The following CROT variants were observed in gnomAD, a reference collection of about 807,000 sequenced individuals.
CROT encodes the protein carnitine O-octanoyltransferase, also known as peroxisomal carnitine O-octanoyltransferase.
CROT carries 84 observed loss-of-function variants against 89.2 expected under a neutral mutation model. That is an observed-to-expected ratio of 0.94 (90% CI 0.79 to 1.13). The LOEUF is 1.13. Ranked by LOEUF, CROT falls within the 50% of genes most tolerant of loss-of-function variation. CROT has a pLI of 0.00. For missense variants in CROT, 711 were observed against 727.8 expected (o/e 0.98, Z 0.27); for synonymous variants, 212 against 239.5 (o/e 0.89, Z 1.06).
chr7:87,362,302 TC>T (rs1180704487), intron 6 of CROT, among the ~76,000 whole-genome samples: 3 of 147,280 alleles, frequency 2.0e-5, no homozygotes, highest in Non-Finnish European at 4.5e-5. Flanking sequence ...GAGTCACTCT[TC>T]CTTTTTTTTT....
intron 12 of CROT, 99 bp downstream of exon 12, chr7:87,382,280 T>C: frequency 7.1e-7 from 1 of 1,406,872 alleles, no homozygotes; most frequent in Non-Finnish European, 9.9e-7. Flanking sequence ...CACAAAACAT[T>C]TTAAAATTAT....
rs188585146 is a variant in CROT, at chr7:87,399,541, T to G, written c.*897T>G. 2 of 152,314 alleles carry G rather than the reference T, an allele frequency of 1.3e-5. No homozygotes were observed. The highest frequency in any genetic ancestry group is 6.5e-5 in the Admixed American group (1 of 15,298). The allele number at this position is 152,314 out of a possible 1,614,324, so 9.4% of individuals were successfully genotyped here. ...GACAAATTAGCTAGTAGTATGGAGA[T>G]GTATACCCTCTATTACACACATAAA... On this transcript the variant is annotated 3_prime_UTR_variant, in exon 18 of 18. Coordinates refer to ENST00000331536, the MANE Select transcript of CROT (RefSeq NM_021151.4).
chr7:87,369,355 G>A (rs757326007), intron 6 of CROT, 21 bp from the exon 7 acceptor site: 2 of 1,552,832 alleles, frequency 1.3e-6, no homozygotes, highest in Middle Eastern at 1.7e-4. Flanking sequence ...TGAGTCTTGT[G>A]TTTTCTGTTT....
At chr7:87,383,330 T>C (rs905496695) in intron 13 of CROT, among the ~76,000 whole-genome samples, 1 of 152,170 alleles carries the variant, frequency 6.6e-6, no homozygotes, top group Admixed American at 6.5e-5. Context: ...TCAATTTTTT[T>C]TAACTCCCAT....
intron 13 of CROT, among the ~76,000 whole-genome samples, chr7:87,385,396 A>AT (rs1402918346): frequency 1.3e-5 from 2 of 150,998 alleles, no homozygotes; most frequent in South Asian, 2.1e-4. Flanking sequence ...CCTTGTATTG[A>AT]TTTTTTTACT....
chr7:87,355,251 C>T (rs972720041), intron 3 of CROT, among the ~76,000 whole-genome samples: 1 of 151,984 alleles, frequency 6.6e-6, no homozygotes, highest in Admixed American at 6.6e-5. Flanking sequence ...AGACATGTAC[C>T]ACCACACCAG....
chr7:87,356,654 G>C (rs1019757688), intron 3 of CROT, among the ~76,000 whole-genome samples: 2 of 152,154 alleles, frequency 1.3e-5, no homozygotes, highest in African/African-American at 4.8e-5. Flanking sequence ...GTTTCCACAG[G>C]GGGCAAGCAG....
At chr7:87,356,679 C>T (rs1203196647) in intron 3 of CROT, among the ~76,000 whole-genome samples, 1 of 152,142 alleles carries the variant, frequency 6.6e-6, no homozygotes, top group Non-Finnish European at 1.5e-5. Flanking sequence ...AGATTGCTGC[C>T]TGTTTTAACA....
intron 6 of CROT, among the ~76,000 whole-genome samples, chr7:87,364,270 A>G (rs1806369685): frequency 6.6e-6 from 1 of 152,216 alleles, no homozygotes; most frequent in Non-Finnish European, 1.5e-5. Context: ...ATATGTAAAG[A>G]TGATCAGTGC....
chr7:87,350,147 C>T (rs1357828061), intron 3 of CROT, among the ~76,000 whole-genome samples: 10 of 152,110 alleles, frequency 6.6e-5, no homozygotes, highest in Admixed American at 5.9e-4. Flanking sequence ...TGCTGGAAAG[C>T]TCATGAAACT....
At chr7:87,350,970 A>G (rs1180439473) in intron 3 of CROT, among the ~76,000 whole-genome samples, 1 of 152,136 alleles carries the variant, frequency 6.6e-6, no homozygotes, top group Non-Finnish European at 1.5e-5. Context: ...TTGTTTCAGT[A>G]GAGGAAGGGA....
intron 13 of CROT, among the ~76,000 whole-genome samples, chr7:87,389,443 A>G (rs904460682): frequency 2.6e-5 from 4 of 152,238 alleles, no homozygotes; most frequent in Non-Finnish European, 5.9e-5. Context: ...CTATGCAGCC[A>G]TAAAAGAGGA....
chr7:87,378,741 G>T (rs2115971536), intron 10 of CROT, among the ~76,000 whole-genome samples: 1 of 152,308 alleles, frequency 6.6e-6, no homozygotes, highest in South Asian at 2.1e-4. Flanking sequence ...GGAATCAGGT[G>T]CTTGGATGAG....
At chr7:87,376,898 T>C (rs1033037535) in intron 9 of CROT, among the ~76,000 whole-genome samples, 30 of 152,154 alleles carry the variant, frequency 2.0e-4, no homozygotes, top group African/African-American at 7.0e-4. Flanking sequence ...TTGATTATGA[T>C]GCACTGAGTT....
chr7:87,391,340 C>T lies in CROT; in HGVS notation c.1302-249C>T, dbSNP rs557986263. Among the ~76,000 whole-genome samples, 8 of 152,286 alleles carry T rather than the reference C, an allele frequency of 5.3e-5. No homozygotes were observed. In the South Asian group the frequency reaches 1.7e-3, roughly 32 times the overall value. On this transcript the variant is annotated intron_variant, in intron 13 of 17. Transcript: ENST00000331536. ...CATAAATAGCAGGAGGCAGGAATCA[C>T]GGGGGCCATCTTAGAGGCTGTAATG...
At chr7:87,360,297 T>A (rs1288441855) in intron 4 of CROT, among the ~76,000 whole-genome samples, 2 of 152,194 alleles carry the variant, frequency 1.3e-5, no homozygotes, top group Non-Finnish European at 2.9e-5. Context: ...CTGTGAAAAA[T>A]CTAAATTACT....
chr7:87,362,601 T>G (rs1038757592), intron 6 of CROT, among the ~76,000 whole-genome samples: 2 of 151,956 alleles, frequency 1.3e-5, no homozygotes, highest in African/African-American at 4.8e-5. Context: ...CGGCTTGGAG[T>G]CACTCTTCTT....
chr7:87,391,157 G>A (rs1435069703), intron 13 of CROT, among the ~76,000 whole-genome samples: 4 of 152,338 alleles, frequency 2.6e-5, no homozygotes, highest in East Asian at 3.9e-4. Context: ...CCCTCAGCAT[G>A]GCAGCTGGCT....
intron 10 of CROT, among the ~76,000 whole-genome samples, chr7:87,377,810 A>G (rs1175700616): frequency 6.6e-6 from 1 of 152,230 alleles, no homozygotes; most frequent in Non-Finnish European, 1.5e-5. Flanking sequence ...ATATATTTAT[A>G]GAGTTCAAGA....
Sources: allele counts gnomAD v4.1 joint callset (sites outside exome capture counted in the v4.1 genomes callset), GRCh38; gene constraint gnomAD v4.1.1; transcripts MANE v1.5; gene names NCBI Gene and HGNC (gene_info 2026-07-23, HGNC 2026-07-21).